UNC5C: variants seen among roughly 807,000 people sequenced by gnomAD.
UNC5C encodes unc-5 netrin receptor C.
A neutral mutation model predicts 99.8 loss-of-function variants in UNC5C; 47 were observed. That is an observed-to-expected ratio of 0.47 (90% confidence interval 0.37 to 0.60). UNC5C has a LOEUF of 0.60. Among genes scored for constraint, UNC5C ranks in the 20% least tolerant of loss-of-function variants. The pLI is 0.00. For missense variants in UNC5C, 1,062 were observed against 1,165.9 expected (o/e 0.91, Z 1.30); for synonymous variants, 487 against 452.2 (o/e 1.08, Z -0.98).
intron 6 of UNC5C, 135 bp downstream of exon 6, chr4:95,244,841 TA>T: frequency 8.3e-7 from 1 of 1,206,836 alleles, no homozygotes; most frequent in Non-Finnish European, 1.2e-6. Flanking sequence ...CCCAGCAATG[TA>T]AACAGTGAGT....
chr4:95,519,116 A>G (rs1439700756), intron 1 of UNC5C, among the ~76,000 whole-genome samples: 2 of 152,150 alleles, frequency 1.3e-5, no homozygotes, highest in East Asian at 1.9e-4. Flanking sequence ...ATGTTGCTTC[A>G]AGACATAGAG....
At chr4:95,409,504 CTGA>C (rs1453121177) in intron 1 of UNC5C, among the ~76,000 whole-genome samples, 2 of 152,212 alleles carry the variant, frequency 1.3e-5, no homozygotes, top group African/African-American at 4.8e-5. Flanking sequence ...TAATGTTGCT[CTGA>C]TGAATAAAAT....
At chr4:95,466,047 C>A (rs1016195434) in intron 1 of UNC5C, among the ~76,000 whole-genome samples, 6 of 152,116 alleles carry the variant, frequency 3.9e-5, no homozygotes, top group African/African-American at 1.4e-4. Flanking sequence ...GTATGTGTTT[C>A]AATCATATGT....
chr4:95,511,063 A>C (rs1722058194), intron 1 of UNC5C, among the ~76,000 whole-genome samples: 1 of 152,186 alleles, frequency 6.6e-6, no homozygotes, highest in South Asian at 2.1e-4. Flanking sequence ...CAGAAAGAAT[A>C]GCTGGGAAGC....
intron 12 of UNC5C, among the ~76,000 whole-genome samples, chr4:95,202,160 T>G (rs1447971867): frequency 6.6e-6 from 1 of 152,230 alleles, no homozygotes; most frequent in African/African-American, 2.4e-5. Context: ...GGCATACTTC[T>G]TTTATTCCTC....
intron 13 of UNC5C, 92 bp from the exon 14 acceptor site, chr4:95,183,153 C>T: frequency 7.8e-7 from 1 of 1,275,866 alleles, no homozygotes; most frequent in Non-Finnish European, 1.1e-6. Context: ...GAGTATCACA[C>T]CTGTGGCCTC....
At chr4:95,266,444 T>C (rs987809547) in intron 4 of UNC5C, among the ~76,000 whole-genome samples, 5 of 152,196 alleles carry the variant, frequency 3.3e-5, no homozygotes, top group Admixed American at 2.6e-4. Context: ...TTGATTACAA[T>C]TTTTAGGACT....
chr4:95,292,374 A>G (rs1741509744), intron 3 of UNC5C, among the ~76,000 whole-genome samples: 1 of 151,274 alleles, frequency 6.6e-6, no homozygotes, highest in African/African-American at 2.4e-5. Context: ...GGTTCACGCC[A>G]TTCTCCTGCT....
intron 1 of UNC5C, among the ~76,000 whole-genome samples, chr4:95,443,468 T>TCTC (rs1230896090): frequency 2.6e-5 from 4 of 152,196 alleles, no homozygotes; most frequent in Non-Finnish European, 4.4e-5. Flanking sequence ...TGACTGAGGG[T>TCTC]CTCTGTTACT....
chr4:95,515,788 G>C (rs974320140), intron 1 of UNC5C, among the ~76,000 whole-genome samples: 1 of 152,118 alleles, frequency 6.6e-6, no homozygotes, highest in Non-Finnish European at 1.5e-5. Flanking sequence ...CAACAATTTT[G>C]GCAATTCTTA....
chr4:95,434,653 A>G (rs1486136642), intron 1 of UNC5C, among the ~76,000 whole-genome samples: 1 of 152,112 alleles, frequency 6.6e-6, no homozygotes, highest in African/African-American at 2.4e-5. Context: ...AGAGCTAGTA[A>G]TAATAAGGTG....
chr4:95,238,391 G>C (rs1414521501), intron 7 of UNC5C, among the ~76,000 whole-genome samples: 1 of 152,040 alleles, frequency 6.6e-6, no homozygotes, highest in Non-Finnish European at 1.5e-5. Context: ...GTGGAATCAA[G>C]GAAGTCTAAT....
chr4:95,189,392 C>T (rs1014031985), intron 12 of UNC5C, among the ~76,000 whole-genome samples: 1 of 152,168 alleles, frequency 6.6e-6, no homozygotes, highest in Non-Finnish European at 1.5e-5. Context: ...CTCAGGCAGT[C>T]CTCCCACCTC....
intron 1 of UNC5C, among the ~76,000 whole-genome samples, chr4:95,340,982 A>G (rs2621442): frequency 0.56 from 84,735 of 151,964 alleles, 26,207 homozygotes; most frequent in East Asian, 0.99. Context: ...TTGCTTACCA[A>G]ATTAGCTAAA....
At chr4:95,238,395 G>T (rs915052941) in intron 7 of UNC5C, among the ~76,000 whole-genome samples, 1 of 152,114 alleles carries the variant, frequency 6.6e-6, no homozygotes, top group African/African-American at 2.4e-5. Flanking sequence ...AATCAAGGAA[G>T]TCTAATGTAA....
intron 10 of UNC5C, among the ~76,000 whole-genome samples, chr4:95,211,715 G>A (rs530778819): frequency 2.6e-5 from 4 of 152,054 alleles, no homozygotes; most frequent in Non-Finnish European, 2.9e-5. Context: ...CTAACCGCTC[G>A]CCTACTTTAT....
At chr4:95,351,861 C>T (rs1744004850) in intron 1 of UNC5C, among the ~76,000 whole-genome samples, 1 of 152,104 alleles carries the variant, frequency 6.6e-6, no homozygotes, top group Non-Finnish European at 1.5e-5. Context: ...AGTGCCCCTT[C>T]AACCTCTCGG....
rs188248183 is a variant in UNC5C at position 95,372,347 on chromosome 4, G to C, written c.125-36716C>G. 3.9e-5 allele frequency among the ~76,000 whole-genome samples: 6 copies of C among 152,276 alleles called. No individual in the cohort carries two copies. The East Asian group carries it at 1.2e-3, about 29-fold the overall frequency. On this transcript the variant is annotated intron_variant, in intron 1 of 15. Coordinates refer to ENST00000453304, the MANE Select transcript of UNC5C (RefSeq NM_003728.4). ...GCTTAATACATTTAGAAGAACAGCTGCTTTCTAAGTGTTTGGCATCCATGT... is the reference window on the plus strand; with the variant it reads ...GCTTAATACATTTAGAAGAACAGCTCCTTTCTAAGTGTTTGGCATCCATGT...
At chr4:95,317,723 T>C (rs1014666473) in intron 2 of UNC5C, among the ~76,000 whole-genome samples, 2 of 152,140 alleles carry the variant, frequency 1.3e-5, no homozygotes, top group African/African-American at 2.4e-5. Flanking sequence ...AGAAAGCTGG[T>C]AAAGAACACT....
Sources: allele counts gnomAD v4.1 joint callset (sites outside exome capture counted in the v4.1 genomes callset), GRCh38; gene constraint gnomAD v4.1.1; transcripts MANE v1.5; gene names NCBI Gene and HGNC (gene_info 2026-07-23, HGNC 2026-07-21).